The following PPME1 variants were observed in gnomAD, a reference collection of about 807,000 sequenced individuals.
PPME1 encodes protein phosphatase methylesterase 1, also known as testicular secretory protein Li 39.
A neutral mutation model predicts 56.9 loss-of-function variants in PPME1; 17 were observed. That is an observed-to-expected ratio of 0.30 (90% CI 0.20 to 0.45). The LOEUF (loss-of-function observed/expected upper bound fraction) is 0.45. PPME1 is among the 20% of genes least tolerant of loss of function. The pLI, the probability that PPME1 is intolerant of heterozygous loss-of-function variation, is 1.00. For missense variants in PPME1, 357 were observed against 483.2 expected (o/e 0.74, Z 2.45); for synonymous variants, 122 against 156.2 (o/e 0.78, Z 1.63).
At chr11:74,176,774 C>G (rs940241148) in intron 1 of PPME1, among the ~76,000 whole-genome samples, 1 of 146,346 alleles carries the variant, frequency 6.8e-6, no homozygotes, top group Non-Finnish European at 1.5e-5. Flanking sequence ...TCACCGAGGC[C>G]GGATGGAGTG....
In PPME1 at chr11:74,230,933, A is replaced by G. The variant is rs1454553767; in HGVS notation, c.575A>G (p.Asn192Ser). The G allele has an allele frequency of 1.2e-6, 2 of 1,603,538 alleles. No homozygotes were observed. The highest frequency in any genetic ancestry group is 1.7e-5 in the Admixed American group (1 of 58,676). Residue 192 changes from asparagine (N) to serine (S), a missense_variant, in exon 7 of 14, where the codon AAT becomes AGT. By Grantham distance (46) the Asn-to-Ser change is conservative. This residue lies in a region of PPME1 where 182 missense variants were observed against 293.8 expected (regional missense o/e 0.62). Transcript: ENST00000328257. The surrounding 1 kb of genome is among the most constrained non-coding windows in gnomAD (Gnocchi z 4.9). ...VVEGTAMDAL[N>S]SMQNFLRGRP... ...CCAGGTACAGCTATGGATGCACTTA[A>G]TAGCATGCAGAATTTCTTACGGGGT...
chr11:74,207,558 G>C (rs1037169563), intron 3 of PPME1, among the ~76,000 whole-genome samples: 2 of 152,190 alleles, frequency 1.3e-5, no homozygotes, highest in Non-Finnish European at 2.9e-5. Flanking sequence ...ATTAATTTTT[G>C]AACCTTTTAT....
intron 3 of PPME1, among the ~76,000 whole-genome samples, chr11:74,216,595 G>A (rs2135641412): frequency 6.6e-6 from 1 of 151,922 alleles, no homozygotes; most frequent in Non-Finnish European, 1.5e-5. Flanking sequence ...AGAAGAGCAA[G>A]AACAAACCAA....
chr11:74,186,751 C>T (rs1218795855), intron 1 of PPME1, among the ~76,000 whole-genome samples: 1 of 152,138 alleles, frequency 6.6e-6, no homozygotes, highest in Non-Finnish European at 1.5e-5. Flanking sequence ...AAACTGAAAA[C>T]TACTTGTAGA....
At position 74,194,178 on chromosome 11, in the gene PPME1, G is replaced by T. The variant is rs564583390; in HGVS notation, c.102-9550G>T. On this transcript the variant is annotated intron_variant, in intron 1 of 13. Transcript: ENST00000328257. The stretch of plus-strand genomic sequence containing the variant: ...TTCTCAATGCTAAGTTTTAAGACAG[G>T]CCTTTTTTTATTTTATTTTTTATTT... Among the ~76,000 whole-genome samples, 32 of 152,118 alleles carry T rather than the reference G, an allele frequency of 2.1e-4. No individual in the cohort carries two copies. In the South Asian group the frequency reaches 4.4e-3, roughly 21 times the overall value.
At chr11:74,178,637 A>T (rs1367078545) in intron 1 of PPME1, among the ~76,000 whole-genome samples, 1 of 152,242 alleles carries the variant, frequency 6.6e-6, no homozygotes, top group African/African-American at 2.4e-5. Context: ...GTGTAAGTAT[A>T]GGAAGTAATA....
intron 3 of PPME1, among the ~76,000 whole-genome samples, chr11:74,213,763 G>A (rs1228768119): frequency 1.3e-5 from 2 of 152,248 alleles, no homozygotes; most frequent in African/African-American, 4.8e-5. Context: ...GCAAGAGCTA[G>A]GTGCTTGGGG....
chr11:74,226,646 TCAGA>T lies in PPME1; in HGVS notation c.398+1393_398+1396del, dbSNP rs150838057. Among the ~76,000 whole-genome samples the T allele has an allele frequency of 1.7e-3, 262 of 152,212 alleles. 2 individuals are homozygous for T. The highest frequency in any genetic ancestry group is 4.9e-3 in the African/African-American group (204 of 41,530). ...ATACATCATCTGAGTGTCCAGGCAGTCAGACAAATTGATGATGATAGCTTGGTTG... is the reference window on the plus strand; with the variant it reads ...ATACATCATCTGAGTGTCCAGGCAGTCAAATTGATGATGATAGCTTGGTTG... On this transcript the variant is annotated intron_variant, in intron 5 of 13. Transcript: ENST00000328257.
In PPME1 at chr11:74,235,898, C is replaced by T. The variant is rs1359849915; in HGVS notation, c.645-3C>T. ...TTCTCTCTTCCTTTCTTTTCTTTCC[C>T]AGTGTGAAGAGTGGCCAGATTCGAA... On this transcript the variant is annotated splice_region_variant and splice_polypyrimidine_tract_variant and intron_variant, in intron 7 of 13. Transcript: ENST00000328257. 2 of 1,610,130 alleles carry T rather than the reference C, an allele frequency of 1.2e-6. No homozygotes were observed. The highest frequency in any genetic ancestry group is 3.4e-5 in the Admixed American group (2 of 59,510).
chr11:74,243,090 C>T (rs552897988), intron 9 of PPME1, among the ~76,000 whole-genome samples: 2 of 152,066 alleles, frequency 1.3e-5, no homozygotes, highest in African/African-American at 2.4e-5. Flanking sequence ...AACTGCATCT[C>T]GCCCAGGTAA....
At chr11:74,243,890 G>A (rs1355081473) in intron 9 of PPME1, among the ~76,000 whole-genome samples, 1 of 149,244 alleles carries the variant, frequency 6.7e-6, no homozygotes, top group Non-Finnish European at 1.5e-5. Flanking sequence ...TCACATTGTT[G>A]TGAAACATCT....
intron 2 of PPME1, among the ~76,000 whole-genome samples, chr11:74,204,116 A>G (rs1048118984): frequency 2.2e-4 from 33 of 151,524 alleles, no homozygotes; most frequent in African/African-American, 8.0e-4. Context: ...TCTAGAATCC[A>G]GGGGTTATGT....
chr11:74,230,959 C>T lies in PPME1; in HGVS notation c.601C>T (p.Arg201Cys), dbSNP rs1372096928. 3 of 1,604,732 alleles carry T rather than the reference C, an allele frequency of 1.9e-6. No homozygotes were observed. Among genetic ancestry groups the T allele is most frequent in the Admixed American group, 3.4e-5 (2 of 58,838 alleles). The change falls in exon 7 of 14, where the codon CGT (arginine) becomes TGT (cysteine). Residue 201 changes from arginine to cysteine, a missense_variant. This residue lies in a region of PPME1 where 182 missense variants were observed against 293.8 expected (regional missense o/e 0.62). Coordinates refer to ENST00000328257, the MANE Select transcript of PPME1 (RefSeq NM_016147.3). The surrounding 1 kb of genome is among the most constrained non-coding windows in gnomAD (Gnocchi z 4.9). The stretch of plus-strand genomic sequence containing the variant: ...TAGCATGCAGAATTTCTTACGGGGT[C>T]GTCCTAAAACCTTCAAGTCTCTGGA... Reference protein sequence around the residue: ...LNSMQNFLRGRPKTFKSLENA... With the variant: ...LNSMQNFLRGCPKTFKSLENA...
intron 4 of PPME1, among the ~76,000 whole-genome samples, chr11:74,223,384 A>G (rs1228717666): frequency 2.0e-5 from 3 of 149,480 alleles, no homozygotes; most frequent in African/African-American, 5.1e-5. Flanking sequence ...GCTATTGTGA[A>G]TAATGCCGCA....
intron 1 of PPME1, among the ~76,000 whole-genome samples, chr11:74,199,363 G>A (rs975631287): frequency 6.6e-6 from 1 of 152,156 alleles, no homozygotes; most frequent in Non-Finnish European, 1.5e-5. Flanking sequence ...CAGATGCATT[G>A]TCTCTCTAGT....
intron 9 of PPME1, among the ~76,000 whole-genome samples, chr11:74,244,616 G>C (rs1256847958): frequency 1.3e-5 from 2 of 152,068 alleles, no homozygotes; most frequent in Non-Finnish European, 1.5e-5. Flanking sequence ...CAGGTTACTC[G>C]ATGTTTTTAG....
chr11:74,185,729 G>A (rs1028244123), intron 1 of PPME1, among the ~76,000 whole-genome samples: 4 of 151,080 alleles, frequency 2.6e-5, no homozygotes, highest in Admixed American at 2.6e-4. Context: ...GGTGAAAGGT[G>A]GAAATAAAAT....
chr11:74,222,764 C>G (rs1858831102), intron 4 of PPME1: 1 of 203,476 alleles, frequency 4.9e-6, no homozygotes, highest in Non-Finnish European at 1.0e-5. Context: ...GCTAGCATCA[C>G]AGGTGTGAGC....
intron 1 of PPME1, among the ~76,000 whole-genome samples, chr11:74,185,273 C>T (rs1376569309): frequency 6.6e-6 from 1 of 152,096 alleles, no homozygotes; most frequent in Non-Finnish European, 1.5e-5. Context: ...GCTGGGATTA[C>T]AGGTGTGAGC....
Sources: gnomAD v4.1 joint callset for allele counts (sites outside exome capture counted in the v4.1 genomes callset) on GRCh38, gnomAD v4.1.1 for gene constraint, gnomAD v4.1.1 regional missense constraint, Gnocchi (gnomAD v3.1) non-coding constraint, MANE v1.5 for transcripts, NCBI Gene and HGNC (gene_info 2026-07-23, HGNC 2026-07-21) for gene names.